TIAM1: variants seen among roughly 807,000 people sequenced by gnomAD.
TIAM1 encodes the protein TIAM Rac1 associated GEF 1.
TIAM1 carries 65 observed loss-of-function variants against 163.5 expected under a neutral mutation model. That is an observed-to-expected ratio of 0.40 (90% CI 0.33 to 0.49). The LOEUF (loss-of-function observed/expected upper bound fraction) is 0.49. TIAM1 is among the 20% of genes least tolerant of loss of function. The pLI is 0.77. For missense variants in TIAM1, 1,789 were observed against 2,044.7 expected, an observed-to-expected ratio of 0.87 and a Z score of 2.41; for synonymous variants, 833 against 810.1, an observed-to-expected ratio of 1.03 and a Z score of -0.48.
chr21:31,520,435 T>C (rs1307084271), intron 1 of TIAM1, among the ~76,000 whole-genome samples: 1 of 152,046 alleles, frequency 6.6e-6, no homozygotes, highest in Non-Finnish European at 1.5e-5. Context: ...GAATAATAGG[T>C]TTTTGAGTGC....
At chr21:31,531,905 C>T (rs976183382) in intron 1 of TIAM1, among the ~76,000 whole-genome samples, 4 of 151,978 alleles carry the variant, frequency 2.6e-5, no homozygotes, top group Non-Finnish European at 4.4e-5. Context: ...TTGCTCGAGT[C>T]CAGGAGTTTG....
At chr21:31,358,042 G>A (rs544598598) in intron 2 of TIAM1, among the ~76,000 whole-genome samples, 3 of 152,110 alleles carry the variant, frequency 2.0e-5, no homozygotes, top group African/African-American at 2.4e-5. Context: ...CCACTGTCCC[G>A]ATCTTAACCC....
intron 1 of TIAM1, among the ~76,000 whole-genome samples, chr21:31,469,671 AG>A (rs1464852298): frequency 1.3e-5 from 2 of 151,574 alleles, no homozygotes; most frequent in Non-Finnish European, 2.9e-5. Context: ...TACTAAAAAA[AG>A]TACAAAAAAA....
intron 2 of TIAM1, among the ~76,000 whole-genome samples, chr21:31,362,222 G>C (rs894506213): frequency 6.6e-6 from 1 of 151,908 alleles, no homozygotes; most frequent in East Asian, 1.9e-4. Context: ...GGCAGCATAA[G>C]AGTGAGTTCA....
chr21:31,547,077 C>A lies in TIAM1; in HGVS notation c.-422+11850G>T, dbSNP rs2048524092. Among the ~76,000 whole-genome samples the A allele has an allele frequency of 2.0e-5, 3 of 152,198 alleles. No individual in the cohort carries two copies. The South Asian group carries it at 6.2e-4, about 31-fold the overall frequency. ...TTCCTGACTTGGATGAGATTCAGAA[C>A]TGCTGTATCACAGGCTGAGAAGACA... On this transcript the variant is annotated intron_variant, in intron 1 of 28. Coordinates refer to the TIAM1 transcript ENST00000286827.
chr21:31,396,930 C>G (rs985881902), intron 2 of TIAM1, among the ~76,000 whole-genome samples: 1 of 152,056 alleles, frequency 6.6e-6, no homozygotes, highest in African/African-American at 2.4e-5. Flanking sequence ...GCCTGGGCGA[C>G]AGAGTGAGAC....
chr21:31,487,164 C>G (rs2046299406), intron 1 of TIAM1, among the ~76,000 whole-genome samples: 1 of 152,132 alleles, frequency 6.6e-6, no homozygotes, highest in Non-Finnish European at 1.5e-5. Flanking sequence ...ACTCAAGGAG[C>G]TTTTTCCGAC....
intron 1 of TIAM1, among the ~76,000 whole-genome samples, chr21:31,479,201 G>A (rs939735088): frequency 4.6e-5 from 7 of 152,094 alleles, no homozygotes; most frequent in African/African-American, 1.2e-4. Flanking sequence ...TGGAGAAAAC[G>A]GTCCTAATAG....
rs1445535123 is a variant in TIAM1, at chr21:31,339,436, A to G, written c.-368-14T>C. The G allele has an allele frequency of 1.0e-5, 4 of 398,308 alleles. No individual in the cohort carries two copies. Among genetic ancestry groups the G allele is most frequent in the Admixed American group, 4.4e-5 (1 of 22,712 alleles). 24.7% of individuals were successfully genotyped at this position (398,308 alleles called of 1,614,324 possible). A position where few individuals can be genotyped will look rare whatever the true frequency, so the allele number is the denominator to read the frequency against. ...CAGTGATTCTACCTATAAGAGCAAC[A>G]TAAGAAAATAATGGGTTTTGTGCTT... On this transcript the variant is annotated splice_polypyrimidine_tract_variant and intron_variant, in intron 1 of 27. Transcript: ENST00000541036.
At chr21:31,369,659 A>G (rs922795273) in intron 2 of TIAM1, among the ~76,000 whole-genome samples, 1 of 152,208 alleles carries the variant, frequency 6.6e-6, no homozygotes, top group African/African-American at 2.4e-5. Flanking sequence ...TTGTATCAAA[A>G]TATCACTCTG....
intron 2 of TIAM1, among the ~76,000 whole-genome samples, chr21:31,296,624 G>C (rs984842491): frequency 1.3e-5 from 2 of 152,118 alleles, no homozygotes; most frequent in Non-Finnish European, 2.9e-5. Context: ...CTTATCAGGG[G>C]AGTCCAGGGT....
chr21:31,197,540 T>A (rs2085930406), intron 12 of TIAM1, among the ~76,000 whole-genome samples: 1 of 100,824 alleles, frequency 9.9e-6, no homozygotes, highest in Non-Finnish European at 1.9e-5. Context: ...CGCGCCCGGC[T>A]TTTTTTTTTT....
chr21:31,355,697 G>A (rs1007302057), intron 2 of TIAM1, among the ~76,000 whole-genome samples: 3 of 151,910 alleles, frequency 2.0e-5, no homozygotes, highest in East Asian at 1.9e-4. Context: ...GACTACAGGC[G>A]CGTGCCACCA....
rs1235365691 is a variant in TIAM1, at chr21:31,210,214, C to A, written c.2219G>T (p.Arg740Met). Reference protein sequence around the residue: ...IFDDIVPDGKREKEVVLPNVH... With the variant: ...IFDDIVPDGKMEKEVVLPNVH... ...GTTAGGTAAGACCACTTCTTTCTCC[C>A]TCTATAACAAGAAATAAAGTTAGCA... Residue 740 changes from arginine (R) to methionine (M), a missense_variant and splice_region_variant, in exon 11 of 28, where the codon AGG becomes ATG. Physicochemically the swap from Arg to Met is moderately conservative, Grantham distance 91 (BLOSUM62 -1). This residue lies in a region of TIAM1 where 456 missense variants were observed against 586.6 expected (regional missense o/e 0.78). Transcript: ENST00000541036. The A allele has an allele frequency of 2.5e-6, 4 of 1,613,888 alleles. No individual in the cohort carries two copies. The highest frequency in any genetic ancestry group is 3.4e-6 in the Non-Finnish European group (4 of 1,179,942).
intron 2 of TIAM1, among the ~76,000 whole-genome samples, chr21:31,418,770 C>T (rs1177094464): frequency 6.6e-6 from 1 of 152,144 alleles, no homozygotes; most frequent in Admixed American, 6.5e-5. Context: ...AGAAAGTCGC[C>T]CTGAAAATAC....
At position 31,252,069 on chromosome 21, in the gene TIAM1, C is replaced by G; in HGVS notation, c.1084G>C (p.Gly362Arg). 6.2e-7 allele frequency: 1 copy of G among 1,614,072 alleles called. No homozygotes were observed. Among genetic ancestry groups the G allele is most frequent in the Non-Finnish European group, 8.5e-7 (1 of 1,180,038 alleles). Reference sequence around the variant, plus strand: ...CTGTCGCTGCCCACAAAGGCCCGGCCTGTGGTGGGTGAGTAGCTGGAGTTG... The same window carrying G: ...CTGTCGCTGCCCACAAAGGCCCGGCGTGTGGTGGGTGAGTAGCTGGAGTTG... Reference protein sequence around the residue: ...ATNSSYSPTTGRAFVGSDSGS... With the variant: ...ATNSSYSPTTRRAFVGSDSGS... The change falls in exon 5 of 28, where the codon GGC becomes CGC. Residue 362 changes from glycine (G) to arginine (R), a missense_variant. By Grantham distance (125) the Gly-to-Arg change is moderately radical (BLOSUM62 -2). This residue lies in a region of TIAM1 where 555 missense variants were observed against 564.9 expected (regional missense o/e 0.98). Coordinates refer to ENST00000541036, the MANE Select transcript of TIAM1 (RefSeq NM_001353694.2).
chr21:31,124,045 C>A (rs2146206201), intron 27 of TIAM1: 1 of 153,160 alleles, frequency 6.5e-6, no homozygotes, highest in South Asian at 2.1e-4. Flanking sequence ...AACCTAGAAT[C>A]CTTACTACTG....
At chr21:31,501,966 G>A (rs1265862465) in intron 1 of TIAM1, among the ~76,000 whole-genome samples, 1 of 152,142 alleles carries the variant, frequency 6.6e-6, no homozygotes, top group Non-Finnish European at 1.5e-5. Context: ...CCAACGGGCT[G>A]AATGCCCCAT....
intron 2 of TIAM1, among the ~76,000 whole-genome samples, chr21:31,303,580 A>G (rs1371165394): frequency 9.3e-6 from 1 of 107,532 alleles, no homozygotes; most frequent in African/African-American, 4.6e-5. Context: ...CTTACAGGGC[A>G]GCATTGTCTT....
Sources: allele counts gnomAD v4.1 joint callset (sites outside exome capture counted in the v4.1 genomes callset), GRCh38; gene constraint gnomAD v4.1.1; regional missense constraint gnomAD v4.1.1; transcripts MANE v1.5; gene names NCBI Gene and HGNC (gene_info 2026-07-23, HGNC 2026-07-21).